KRT76: variants seen among roughly 807,000 people sequenced by gnomAD.
KRT76 encodes the protein keratin, type II cytoskeletal 2 oral.
In KRT76, 47 loss-of-function variants were observed where a neutral mutation model predicts 44.9. That is an observed-to-expected ratio of 1.05 (90% CI 0.83 to 1.33). KRT76 has a LOEUF of 1.33. KRT76 is among the 40% of genes most tolerant of loss of function. The pLI is 0.00. For synonymous variants in KRT76, 331 were observed against 294.1 expected, an observed-to-expected ratio of 1.13 and a Z score of -1.28; for missense variants, 860 against 775.8, an observed-to-expected ratio of 1.11 and a Z score of -1.29.
Position 52,769,010 on chromosome 12 carries a change from G to A in KRT76, c.1620C>T (p.Gly540=), listed in dbSNP as rs761586323. Residue 540 remains glycine, a synonymous_variant, in exon 9 of 9, where the codon GGC becomes GGT. Coordinates refer to ENST00000332411, the MANE Select transcript of KRT76 (RefSeq NM_015848.4). ...AGCCACTGCTGCTGCTGCTGCTGCT[G>A]CCGCCTTTGTAGCCACCACTGCCAC... ...SGSGSGGYKG[G]SSSSSSSGYG... 2 of 907,042 alleles carry A rather than the reference G, an allele frequency of 2.2e-6. No individual in the cohort carries two copies. Among genetic ancestry groups the A allele is most frequent in the Admixed American group, 2.0e-5 (1 of 50,390 alleles). 56.2% of individuals were successfully genotyped at this position (907,042 alleles called of 1,614,324 possible).
chr12:52,771,033 T>G lies in KRT76; in HGVS notation c.1450A>C (p.Thr484Pro), dbSNP rs1301411041. 6.2e-7 allele frequency: 1 copy of G among 1,614,108 alleles called. No individual in the cohort carries two copies. The highest frequency in any genetic ancestry group is 8.5e-7 in the Non-Finnish European group (1 of 1,180,042). Reference protein sequence around the residue: ...VKLALDVEIATYRKLLEGEEC... With the variant: ...VKLALDVEIAPYRKLLEGEEC... ...TCTCCCTCCAGCAGCTTGCGGTAGG[T>G]GGCAATCTCCACATCCAGGGCCAGC... Residue 484 changes from threonine to proline, a missense_variant, in exon 7 of 9, where the codon ACC (threonine) becomes CCC (proline). Coordinates refer to ENST00000332411, the MANE Select transcript of KRT76 (RefSeq NM_015848.4).
At chr12:52,773,738 A>G (rs1939220836) in intron 2 of KRT76, 96 bp from the exon 3 acceptor site, 1 of 990,940 alleles carries the variant, frequency 1.0e-6, no homozygotes, top group Non-Finnish European at 1.5e-6. Flanking sequence ...GCGCAGAGAC[A>G]GGACGAGCTT....
At chr12:52,769,620 TGAGTCAATAACCAAA>T (rs757659730) in intron 7 of KRT76, 37 bp from the exon 8 acceptor site, 1 of 1,595,612 alleles carries the variant, frequency 6.3e-7, no homozygotes, top group African/African-American at 1.3e-5. Context: ...CTTTCTGTTA[TGAGTCAATAACCAAA>T]GAGTTGAGAG....
chr12:52,775,869 A>G (rs1173804937), intron 1 of KRT76, among the ~76,000 whole-genome samples: 1 of 152,160 alleles, frequency 6.6e-6, no homozygotes, highest in African/African-American at 2.4e-5. Context: ...CATTTTGTAG[A>G]TAAGGAAACT....
At position 52,768,768 on chromosome 12, in the gene KRT76, G is replaced by T. The variant is rs1464654684; in HGVS notation, c.1862C>A (p.Thr621Asn). The T allele has an allele frequency of 6.2e-7, 1 of 1,612,064 alleles. No homozygotes were observed. Among genetic ancestry groups the T allele is most frequent in the Non-Finnish European group, 8.5e-7 (1 of 1,178,332 alleles). ...CGTGGTCTGGGAGAAGCGGATACTGGTGCTGCCTCCACCACCAGACTTGTA... is the reference window on the plus strand; with the variant it reads ...CGTGGTCTGGGAGAAGCGGATACTGTTGCTGCCTCCACCACCAGACTTGTA... ...SGYKSGGGGSTSIRFSQTTSS... is the reference protein window; with the variant it reads ...SGYKSGGGGSNSIRFSQTTSS... Residue 621 changes from threonine to asparagine, a missense_variant, in exon 9 of 9, where the codon ACC becomes AAC. By Grantham distance (65) the Thr-to-Asn change is moderately conservative. Coordinates refer to ENST00000332411, the MANE Select transcript of KRT76 (RefSeq NM_015848.4).
chr12:52,768,744 G>A lies in KRT76; in HGVS notation c.1886C>T (p.Thr629Met), dbSNP rs2280480. 0.24 allele frequency: 388,364 copies of A among 1,603,240 alleles called. 49,248 individuals carry two copies. The highest frequency in any genetic ancestry group is 0.36 in the Middle Eastern group (2,192 of 6,030). Residue 629 changes from threonine (T) to methionine (M), a missense_variant, in exon 9 of 9, where the codon ACG (threonine) becomes ATG (methionine). Transcript: ENST00000332411. The stretch of plus-strand genomic sequence containing the variant: ...GGTGGAGCTATGCTGGCTTGAGCTC[G>A]TGGTCTGGGAGAAGCGGATACTGGT... ...GSTSIRFSQTTSSSQHSSTK is the reference protein window; with the variant it reads ...GSTSIRFSQTMSSSQHSSTK
chr12:52,769,245 A>G, intron 8 of KRT76, 135 bp from the exon 9 acceptor site: 1 of 610,780 alleles, frequency 1.6e-6, no homozygotes, highest in South Asian at 2.0e-5. Flanking sequence ...CAGTTTGCAA[A>G]CCATGAGAGT....
intron 7 of KRT76, among the ~76,000 whole-genome samples, chr12:52,770,215 C>T (rs1298166693): frequency 1.3e-5 from 2 of 152,296 alleles, no homozygotes; most frequent in East Asian, 3.9e-4. Context: ...CCTCCTCATC[C>T]CATGACTCCT....
At position 52,768,846 on chromosome 12, in the gene KRT76, T is replaced by G. The variant is rs1437701397; in HGVS notation, c.1784A>C (p.His595Pro). 6.2e-7 allele frequency: 1 copy of G among 1,613,964 alleles called. No individual in the cohort carries two copies. ...LGGAGSISVSHSGMGSSSGSI... is the reference protein window; with the variant it reads ...LGGAGSISVSPSGMGSSSGSI... ...GCCAGAGCTGGAGCCCATTCCACTGTGGCTCACGGAGATGCTACCTGCACC... is the reference window on the plus strand; with the variant it reads ...GCCAGAGCTGGAGCCCATTCCACTGGGGCTCACGGAGATGCTACCTGCACC... Residue 595 changes from histidine to proline, a missense_variant, in exon 9 of 9, where the codon CAC becomes CCC. Physicochemically the swap from His to Pro is moderately conservative, Grantham distance 77. Transcript: ENST00000332411.
chr12:52,776,622 C>A, intron 1 of KRT76, 70 bp downstream of exon 1: 1 of 1,611,074 alleles, frequency 6.2e-7, no homozygotes, highest in Non-Finnish European at 8.5e-7. Flanking sequence ...CACAAGTCCC[C>A]ATGGCATCTT....
intron 7 of KRT76, 80 bp from the exon 8 acceptor site, chr12:52,769,663 C>A: frequency 1.6e-6 from 2 of 1,262,942 alleles, no homozygotes. Context: ...CTTTGGGAGC[C>A]ACGCCCTCCC....
chr12:52,776,752 C>T lies in KRT76; in HGVS notation c.540G>A (p.Lys180=). 1.2e-6 allele frequency: 2 copies of T among 1,614,028 alleles called. No individual in the cohort carries two copies. The highest frequency in any genetic ancestry group is 8.5e-7 in the Non-Finnish European group (1 of 1,180,008). The part of the protein sequence containing the change: ...VEIDPQIGQV[K]AQEREQIKTL... The stretch of plus-strand genomic sequence containing the variant: ...TCTTGATCTGTTCCCGCTCCTGGGC[C>T]TTTACTTGCCCAATCTGGGGGTCGA... The change falls in exon 1 of 9, where the codon AAG becomes AAA. Residue 180 remains lysine (K), a synonymous_variant. Coordinates refer to ENST00000332411, the MANE Select transcript of KRT76 (RefSeq NM_015848.4).
At chr12:52,773,534 G>A (rs372185495) in intron 3 of KRT76, 48 bp downstream of exon 3, 10 of 1,449,288 alleles carry the variant, frequency 6.9e-6, no homozygotes, top group East Asian at 6.8e-5. Flanking sequence ...CTCCATGGGG[G>A]CAGCTCCCAG....
Position 52,775,524 on chromosome 12 carries a change from G to T in KRT76, c.679C>A (p.Pro227Thr). The T allele has an allele frequency of 6.2e-7, 1 of 1,614,142 alleles. No homozygotes were observed. Among genetic ancestry groups the T allele is most frequent in the Admixed American group, 1.7e-5 (1 of 60,028 alleles). The change falls in exon 2 of 9, where the codon CCC becomes ACC. Residue 227 changes from proline (P) to threonine (T), a missense_variant. By Grantham distance (38) the Pro-to-Thr change is conservative. Transcript: ENST00000332411. Reference protein sequence around the residue: ...LLQQQTTGSGPSSLEPCFESY... With the variant: ...LLQQQTTGSGTSSLEPCFESY... ...TCAAAACAAGGCTCCAGGCTGCTGGGCCCTGAGCCTGTGGTCTGCTGCTGG... is the reference window on the plus strand; with the variant it reads ...TCAAAACAAGGCTCCAGGCTGCTGGTCCCTGAGCCTGTGGTCTGCTGCTGG...
chr12:52,774,058 T>C (rs933609989), intron 2 of KRT76, among the ~76,000 whole-genome samples: 3 of 152,142 alleles, frequency 2.0e-5, no homozygotes, highest in East Asian at 1.9e-4. Flanking sequence ...TCTCGAACTG[T>C]TGGGCTCAAG....
At chr12:52,774,590 A>G (rs1434565072) in intron 2 of KRT76, among the ~76,000 whole-genome samples, 1 of 152,198 alleles carries the variant, frequency 6.6e-6, no homozygotes, top group Non-Finnish European at 1.5e-5. Context: ...AGAGGTCTCT[A>G]GGCAGGACCT....
At chr12:52,773,743 G>T (rs925816930) in intron 2 of KRT76, 101 bp from the exon 3 acceptor site, 3 of 893,718 alleles carry the variant, frequency 3.4e-6, no homozygotes, top group Non-Finnish European at 5.3e-6. Flanking sequence ...GAGACAGGAC[G>T]AGCTTCATGG....
Position 52,777,256 on chromosome 12 carries a change from G to T in KRT76, c.36C>A (p.Gly12=). The change falls in exon 1 of 9, where the codon GGC becomes GGA. Residue 12 remains glycine, a synonymous_variant. Transcript: ENST00000332411. Reference sequence around the variant, plus strand: ...AGCGGCCAGAGAAACCCTGGCTCCTGCCACTGAAGGATTTCTTGCAAACTT... The same window carrying T: ...AGCGGCCAGAGAAACCCTGGCTCCTTCCACTGAAGGATTTCTTGCAAACTT... ...NRQVCKKSFS[G]RSQGFSGRSA... is the part of the protein sequence containing the mutation. 6.2e-7 allele frequency: 1 copy of T among 1,614,220 alleles called. No individual in the cohort carries two copies. Among genetic ancestry groups the T allele is most frequent in the Non-Finnish European group, 8.5e-7 (1 of 1,180,048 alleles).
chr12:52,768,988 C>CGCTGCTGCT lies in KRT76; in HGVS notation c.1641_1642insAGCAGCAGC (p.Ser545_Ser547dup), dbSNP rs534966770. 288 of 901,648 alleles carry CGCTGCTGCT rather than the reference C, an allele frequency of 3.2e-4. 1 individual carries two copies. In the African/African-American group the frequency reaches 4.2e-3, roughly 13 times the overall value. The allele number at this position is 901,648 out of a possible 1,614,324, so 55.9% of individuals were successfully genotyped here. ...CCGCTGCCGCCACTGACTCCATAGCCACTGCTGCTGCTGCTGCTGCTGCCG... is the reference window on the plus strand; with the variant it reads ...CCGCTGCCGCCACTGACTCCATAGCCGCTGCTGCTACTGCTGCTGCTGCTGCTGCTGCCG... On this transcript the variant is annotated inframe_insertion, in exon 9 of 9. Transcript: ENST00000332411.
Sources: allele counts gnomAD v4.1 joint callset (sites outside exome capture counted in the v4.1 genomes callset), GRCh38; gene constraint gnomAD v4.1.1; transcripts MANE v1.5; gene names NCBI Gene and HGNC (gene_info 2026-07-23, HGNC 2026-07-21).